RAB38: variants seen among roughly 807,000 people sequenced by gnomAD.
RAB38 encodes the protein RAB38, member RAS oncogene family.
RAB38 carries 15 observed loss-of-function variants against 18.4 expected under a neutral mutation model. That is an observed-to-expected ratio of 0.82 (90% confidence interval 0.55 to 1.26). The LOEUF is 1.26. Among genes scored for constraint, RAB38 ranks in the 50% most tolerant of loss-of-function variants. RAB38 has a pLI of 0.00. For synonymous variants in RAB38, 101 were observed against 104.4 expected, an observed-to-expected ratio of 0.97 and a Z score of 0.20; for missense variants, 294 against 267.4, an observed-to-expected ratio of 1.10 and a Z score of -0.69.
At chr11:87,904,779 C>G in the RAB38 span, among the ~76,000 whole-genome samples, 7 of 151,684 alleles carry the variant, frequency 4.6e-5, no homozygotes, top group Non-Finnish European at 8.8e-5. Flanking sequence ...GCCATTCTGA[C>G]TAGTGTGAAA....
chr11:88,089,970 G>GT, the RAB38 span, among the ~76,000 whole-genome samples: 2 of 151,872 alleles, frequency 1.3e-5, no homozygotes, highest in African/African-American at 2.4e-5. Context: ...CCTTCATTAG[G>GT]TTGTGGGTGG....
the RAB38 span, among the ~76,000 whole-genome samples, chr11:87,952,924 T>G: frequency 6.6e-6 from 1 of 152,172 alleles, no homozygotes; most frequent in Non-Finnish European, 1.5e-5. Flanking sequence ...GTGTCTTTAT[T>G]ATAGACAATA....
chr11:87,835,190 A>G, the RAB38 span, among the ~76,000 whole-genome samples: 1 of 152,222 alleles, frequency 6.6e-6, no homozygotes, highest in East Asian at 1.9e-4. Context: ...GGGGAACTAC[A>G]CTAAGTAAAT....
the RAB38 span, among the ~76,000 whole-genome samples, chr11:88,019,432 A>C: frequency 1.3e-5 from 2 of 152,198 alleles, no homozygotes; most frequent in South Asian, 4.2e-4. Context: ...TCTAAGGCAT[A>C]ATGGTTGCCA....
At chr11:87,918,890 CTG>C in the RAB38 span, among the ~76,000 whole-genome samples, 1 of 150,730 alleles carries the variant, frequency 6.6e-6, no homozygotes, top group South Asian at 2.1e-4. Flanking sequence ...TCCCATTTGT[CTG>C]TGTTTGCTTT....
chr11:87,854,892 T>G, the RAB38 span, among the ~76,000 whole-genome samples: 5 of 152,150 alleles, frequency 3.3e-5, no homozygotes, highest in African/African-American at 4.8e-5. Context: ...CCTCCCAGGT[T>G]CATGCCATTC....
chr11:87,817,347 T>C, the RAB38 span: 1 of 152,168 alleles, frequency 6.6e-6, no homozygotes, highest in Non-Finnish European at 1.5e-5. Context: ...TTTCTTACAG[T>C]TAGAAGAATC....
the RAB38 span, among the ~76,000 whole-genome samples, chr11:88,065,501 A>T: frequency 6.6e-6 from 1 of 152,232 alleles, no homozygotes; most frequent in Non-Finnish European, 1.5e-5. Context: ...CATCCCCTAG[A>T]TATAGGCAGT....
Position 88,175,423 on chromosome 11 carries a change from A to G in RAB38, c.-39T>C. The G allele has an allele frequency of 6.3e-7, 1 of 1,579,122 alleles. No individual in the cohort carries two copies. Among genetic ancestry groups the G allele is most frequent in the South Asian group, 1.1e-5 (1 of 90,700 alleles). On this transcript the variant is annotated 5_prime_UTR_variant, in exon 1 of 3. Coordinates refer to ENST00000243662, the MANE Select transcript of RAB38 (RefSeq NM_022337.3). ...CAGACGTGCCGTGCCTGACCAGGGAAGCGCAGCCTGGGCTCTGCGCACGAG... is the reference window on the plus strand; with the variant it reads ...CAGACGTGCCGTGCCTGACCAGGGAGGCGCAGCCTGGGCTCTGCGCACGAG...
the RAB38 span, among the ~76,000 whole-genome samples, chr11:87,948,174 AT>A: frequency 6.6e-6 from 1 of 152,160 alleles, no homozygotes; most frequent in African/African-American, 2.4e-5. Flanking sequence ...ATGGGAGTTC[AT>A]TCATGATTTG....
chr11:87,815,756 G>GGA, the RAB38 span: 4 of 152,166 alleles, frequency 2.6e-5, no homozygotes, highest in African/African-American at 9.7e-5. Context: ...TGGCCTCATG[G>GGA]GAGCATGTAG....
the RAB38 span, among the ~76,000 whole-genome samples, chr11:88,074,651 A>T: frequency 6.6e-6 from 1 of 152,320 alleles, no homozygotes; most frequent in Admixed American, 6.5e-5. Flanking sequence ...GGGAGAGAAG[A>T]GTTAAAAACA....
At chr11:87,856,446 T>C in the RAB38 span, among the ~76,000 whole-genome samples, 2 of 152,140 alleles carry the variant, frequency 1.3e-5, no homozygotes, top group African/African-American at 4.8e-5. Flanking sequence ...AAAAGATAAA[T>C]ATTTATTAAC....
At chr11:88,051,350 C>A in the RAB38 span, among the ~76,000 whole-genome samples, 1 of 151,980 alleles carries the variant, frequency 6.6e-6, no homozygotes. Flanking sequence ...ATGCATAGAT[C>A]TGATTCTAAT....
At chr11:87,936,255 A>G in the RAB38 span, among the ~76,000 whole-genome samples, 3 of 152,004 alleles carry the variant, frequency 2.0e-5, no homozygotes, top group Non-Finnish European at 4.4e-5. Flanking sequence ...TTTTTATTCT[A>G]AAAGCTTGAT....
the RAB38 span, among the ~76,000 whole-genome samples, chr11:88,099,362 T>G: frequency 2.6e-5 from 4 of 151,932 alleles, no homozygotes; most frequent in Non-Finnish European, 5.9e-5. Context: ...TATGTTATTT[T>G]GTTTTTTTAA....
At chr11:87,939,638 G>T in the RAB38 span, among the ~76,000 whole-genome samples, 33 of 151,996 alleles carry the variant, frequency 2.2e-4, no homozygotes, top group Admixed American at 2.2e-3. Flanking sequence ...AGCTAAGATA[G>T]CTTGAGCCCA....
chr11:88,070,224 A>G, the RAB38 span, among the ~76,000 whole-genome samples: 1 of 152,132 alleles, frequency 6.6e-6, no homozygotes, highest in African/African-American at 2.4e-5. Context: ...AGGAATGAAC[A>G]ACTCTGGACG....
the RAB38 span, among the ~76,000 whole-genome samples, chr11:87,945,720 A>C: frequency 6.6e-6 from 1 of 152,218 alleles, no homozygotes; most frequent in Non-Finnish European, 1.5e-5. Flanking sequence ...TAATGGTGGC[A>C]GAAAGAAACA....
Sources: gnomAD v4.1 joint callset for allele counts (sites outside exome capture counted in the v4.1 genomes callset) on GRCh38, gnomAD v4.1.1 for gene constraint, MANE v1.5 for transcripts, NCBI Gene and HGNC (gene_info 2026-07-23, HGNC 2026-07-21) for gene names.